Variants in RTP5 observed in about 807,000 individuals in gnomAD.
The protein encoded by RTP5 is receptor transporter protein 5 (putative).
A neutral mutation model predicts 23.5 loss-of-function variants in RTP5; 30 were observed. The observed-to-expected ratio is 1.27, with a 90% CI of 0.95 to 1.73. RTP5 has a LOEUF of 1.73. Ranked by LOEUF, RTP5 falls within the 40% of genes most tolerant of loss-of-function variation. RTP5 has a pLI of 0.00. For synonymous variants in RTP5, 354 were observed against 342.1 expected (o/e 1.03, Z -0.38); for missense variants, 807 against 784.2 (o/e 1.03, Z -0.35).
rs1013390197 is a variant in RTP5, at chr2:241,871,793, A to C, written c.238A>C (p.Ser80Arg). 1.9e-6 allele frequency: 3 copies of C among 1,583,064 alleles called. No individual in the cohort carries two copies. In the African/African-American group the frequency reaches 4.0e-5, roughly 21 times the overall value. ...VLFHLWWDRA[S>R]HRGLVKMRIW... is the part of the protein sequence containing the mutation. ...CTTCCACCTGTGGTGGGACAGGGCC[A>C]GCCACCGGGGGCTGGTGAAGATGCG... Residue 80 changes from serine (S) to arginine (R), a missense_variant, in exon 2 of 2, where the codon AGC (serine) becomes CGC (arginine). Physicochemically the swap from Ser to Arg is moderately radical, Grantham distance 110. Transcript: ENST00000343216.
In RTP5 at chr2:241,872,387, A is replaced by C. The variant is rs1356061398; in HGVS notation, c.832A>C (p.Ser278Arg). ...CTTCCACGGCCCCGGCCTCCTCGGC[A>C]GCAGCATCCAGACCTTCGAGCTCAA... is the stretch of plus-strand genomic sequence containing the variant. ...PLFHGPGLLG[S>R]SIQTFELKGF... The change falls in exon 2 of 2, where the codon AGC becomes CGC. Residue 278 changes from serine (S) to arginine (R), a missense_variant. Coordinates refer to ENST00000343216, the MANE Select transcript of RTP5 (RefSeq NM_173821.3). The C allele has an allele frequency of 1.2e-6, 2 of 1,612,500 alleles. No homozygotes were observed. The highest frequency in any genetic ancestry group is 2.2e-5 in the South Asian group (2 of 91,016).
At position 241,869,864 on chromosome 2, in the gene RTP5, G is replaced by A. The variant is rs777977897; in HGVS notation, c.108G>A (p.Pro36=). The change falls in exon 1 of 2, where the codon CCG becomes CCA. Residue 36 remains proline, a synonymous_variant. Transcript: ENST00000343216. ...TGCTACCTGAGCACAGCCTGGTCCC[G>A]GGATGCCTGGACGGCGGTGGTGTCC... ...WVLLPEHSLV[P]GCLDGGGVQY... 38 of 1,587,610 alleles carry A rather than the reference G, an allele frequency of 2.4e-5. No individual in the cohort carries two copies. Among genetic ancestry groups the A allele is most frequent in the South Asian group, 1.3e-4 (11 of 87,606 alleles).
intron 1 of RTP5, chr2:241,871,229 C>T: frequency 2.7e-6 from 1 of 368,428 alleles, no homozygotes; most frequent in Non-Finnish European, 5.4e-6. Flanking sequence ...TGCTGAGCCC[C>T]CAGGGACAGC....
intron 1 of RTP5, among the ~76,000 whole-genome samples, 179 bp from the exon 2 acceptor site, chr2:241,871,535 G>A (rs1346396706): frequency 2.0e-5 from 3 of 152,200 alleles, no homozygotes; most frequent in Admixed American, 2.0e-4. Flanking sequence ...GTGCTAGGCT[G>A]CCTTGGCCGC....
chr2:241,869,994 G>T, intron 1 of RTP5, 80 bp downstream of exon 1: 1 of 1,311,264 alleles, frequency 7.6e-7, no homozygotes. Context: ...GGTCCCAGAG[G>T]CTGGGTGGGG....
chr2:241,873,190 G>A lies in RTP5; in HGVS notation c.1635G>A (p.Trp545Ter), dbSNP rs1380081196. Residue 545 changes from tryptophan (W) to a stop codon, truncating the protein, a stop_gained, in exon 2 of 2, where the codon TGG becomes TGA. Transcript: ENST00000343216. LOFTEE classifies it high-confidence loss of function. ...ACGCCGAGCCCTACGAGGACTTCTG[G>A]ATCTGGGTGTCCATGACCGTGTGCG... ...RPHAEPYEDF[W>*]IWVSMTVCVF... is the part of the protein sequence containing the mutation. 5 of 1,610,178 alleles carry A rather than the reference G, an allele frequency of 3.1e-6. No homozygotes were observed. In the Admixed American group the frequency reaches 8.3e-5, roughly 27 times the overall value.
rs1431582073 is a variant in RTP5 at position 241,873,060 on chromosome 2, A to G, written c.1505A>G (p.Gln502Arg). 3.1e-6 allele frequency: 5 copies of G among 1,612,780 alleles called. No homozygotes were observed. In the African/African-American group the frequency reaches 6.7e-5, roughly 22 times the overall value. Reference protein sequence around the residue: ...YGPQGNGCFSQGYYQKRQLRS... With the variant: ...YGPQGNGCFSRGYYQKRQLRS... ...CCCCAGGGCAATGGCTGCTTCTCCC[A>G]AGGCTATTACCAGAAGAGGCAGCTG... The change falls in exon 2 of 2, where the codon CAA becomes CGA. Residue 502 changes from glutamine to arginine, a missense_variant. Gln to Arg is a conservative substitution (Grantham distance 43). Coordinates refer to ENST00000343216, the MANE Select transcript of RTP5 (RefSeq NM_173821.3).
In RTP5 at chr2:241,871,880, G is replaced by A; in HGVS notation, c.325G>A (p.Gly109Ser). 2 of 1,552,146 alleles carry A rather than the reference G, an allele frequency of 1.3e-6. No individual in the cohort carries two copies. Among genetic ancestry groups the A allele is most frequent in the East Asian group, 2.4e-5 (1 of 42,132 alleles). Residue 109 changes from glycine (G) to serine (S), a missense_variant, in exon 2 of 2, where the codon GGC becomes AGC. By Grantham distance (56) the Gly-to-Ser change is moderately conservative. Coordinates refer to ENST00000343216, the MANE Select transcript of RTP5 (RefSeq NM_173821.3). ...CGGGGACTGCCAGGTGAGGCCCCCG[G>A]GCGAGCAGCCCTTCCTCAGCAGGCT... ...APGDCQVRPP[G>S]EQPFLSRLVL... is the part of the protein sequence containing the mutation.
intron 1 of RTP5, among the ~76,000 whole-genome samples, chr2:241,871,347 C>G (rs539254579): frequency 6.6e-6 from 1 of 152,252 alleles, no homozygotes; most frequent in Admixed American, 6.5e-5. Flanking sequence ...GGCAGGCTGC[C>G]GACGCCTCAC....
At position 241,872,383 on chromosome 2, in the gene RTP5, C is replaced by T. The variant is rs146481716; in HGVS notation, c.828C>T (p.Leu276=). ...GDPLFHGPGL[L]GSSIQTFELK... Reference sequence around the variant, plus strand: ...CCCTCTTCCACGGCCCCGGCCTCCTCGGCAGCAGCATCCAGACCTTCGAGC... The same window carrying T: ...CCCTCTTCCACGGCCCCGGCCTCCTTGGCAGCAGCATCCAGACCTTCGAGC... Residue 276 remains leucine (L), a synonymous_variant, in exon 2 of 2, where the codon CTC becomes CTT. Transcript: ENST00000343216. 7.0e-5 allele frequency: 113 copies of T among 1,612,376 alleles called. No homozygotes were observed. The highest frequency in any genetic ancestry group is 1.8e-4 in the Admixed American group (11 of 59,892).
Position 241,872,569 on chromosome 2 carries a change from C to T in RTP5, c.1014C>T (p.Ser338=). ...CVGLSASGEG[S]LTFPSSLTSI... is the part of the protein sequence containing the mutation. The stretch of plus-strand genomic sequence containing the variant: ...GCCTCTCGGCCAGCGGGGAGGGCTC[C>T]CTCACCTTCCCCTCCTCCCTCACCA... The change falls in exon 2 of 2, where the codon TCC becomes TCT. Residue 338 remains serine, a synonymous_variant. Coordinates refer to ENST00000343216, the MANE Select transcript of RTP5 (RefSeq NM_173821.3). 1 of 1,537,914 alleles carries T rather than the reference C, an allele frequency of 6.5e-7. No homozygotes were observed.
In RTP5 at chr2:241,872,348, A is replaced by G; in HGVS notation, c.793A>G (p.Ile265Val). The G allele has an allele frequency of 6.2e-7, 1 of 1,610,664 alleles. No individual in the cohort carries two copies. Among genetic ancestry groups the G allele is most frequent in the Non-Finnish European group, 8.5e-7 (1 of 1,179,096 alleles). Reference protein sequence around the residue: ...MPGGKGFPVAIGDPLFHGPGL... With the variant: ...MPGGKGFPVAVGDPLFHGPGL... ...TGGGGGCAAAGGCTTCCCGGTGGCC[A>G]TTGGAGACCCCCTCTTCCACGGCCC... Residue 265 changes from isoleucine to valine, a missense_variant, in exon 2 of 2, where the codon ATT (isoleucine) becomes GTT (valine). By Grantham distance (29) the Ile-to-Val change is conservative. Transcript: ENST00000343216.
At chr2:241,871,246 A>C in intron 1 of RTP5, 1 of 356,348 alleles carries the variant, frequency 2.8e-6, no homozygotes. Context: ...CAGCCCCCAC[A>C]TGCATGCTTT....
intron 1 of RTP5, 21 bp from the exon 2 acceptor site, chr2:241,871,693 A>T (rs374578004): frequency 5.1e-6 from 8 of 1,575,188 alleles, no homozygotes; most frequent in Non-Finnish European, 6.9e-6. Context: ...GCACTCACAC[A>T]CACTTCTTTC....
chr2:241,871,145 C>T (rs939038836), intron 1 of RTP5: 20 of 447,874 alleles, frequency 4.5e-5, no homozygotes, highest in South Asian at 9.6e-5. Flanking sequence ...CGCAGGCCTC[C>T]GTGACATCCT....
chr2:241,873,308 A>AC lies in RTP5; in HGVS notation c.*38dup. The AC allele has an allele frequency of 1.3e-5, 20 of 1,535,272 alleles. No individual in the cohort carries two copies. Among genetic ancestry groups the AC allele is most frequent in the Non-Finnish European group, 1.7e-5 (20 of 1,144,134 alleles). ...AGTTCAGGCAACCCTCGCCTCTGGGACCCCGCCTCGCCTCTGAGACACCCC... is the reference window on the plus strand; with the variant it reads ...AGTTCAGGCAACCCTCGCCTCTGGGACCCCCGCCTCGCCTCTGAGACACCCC... On this transcript the variant is annotated 3_prime_UTR_variant, in exon 2 of 2. Transcript: ENST00000343216.
At position 241,871,864 on chromosome 2, in the gene RTP5, C is replaced by A. The variant is rs759733095; in HGVS notation, c.309C>A (p.Cys103Ter). 8 of 1,546,246 alleles carry A rather than the reference C, an allele frequency of 5.2e-6. No homozygotes were observed. In the Admixed American group the frequency reaches 1.2e-4, roughly 23 times the overall value. Reference protein sequence around the residue: ...RCRLCPAPGDCQVRPPGEQPF... With the variant: ...RCRLCPAPGD ...GGCTGTGCCCCGCACCCGGGGACTG[C>A]CAGGTGAGGCCCCCGGGCGAGCAGC... Residue 103 changes from cysteine to a stop codon, truncating the protein, a stop_gained, in exon 2 of 2, where the codon TGC becomes TGA. Coordinates refer to ENST00000343216, the MANE Select transcript of RTP5 (RefSeq NM_173821.3). LOFTEE classifies it low-confidence loss of function (END_TRUNC).
rs532385840 is a variant in RTP5, at chr2:241,871,110, C to G, written c.159-604C>G. ...CAAACCTCTCCTCGCCTGGTGACGC[C>G]CAGCAGGGCTGCCCGGGCCATGACC... On this transcript the variant is annotated intron_variant, in intron 1 of 1. Transcript: ENST00000343216. 1.7e-5 allele frequency: 8 copies of G among 468,364 alleles called. No homozygotes were observed. In the Admixed American group the frequency reaches 1.9e-4, roughly 11 times the overall value. 29.0% of individuals were successfully genotyped at this position (468,364 alleles called of 1,614,324 possible). A position where few individuals can be genotyped will look rare whatever the true frequency, so the allele number is the denominator to read the frequency against.
In RTP5 at chr2:241,873,726, T is replaced by C; in HGVS notation, c.*452T>C. On this transcript the variant is annotated 3_prime_UTR_variant, in exon 2 of 2. Coordinates refer to ENST00000343216, the MANE Select transcript of RTP5 (RefSeq NM_173821.3). Reference sequence around the variant, plus strand: ...CCCCCGCCAGCAGCTCAGCCCCTCCTGTCTCTTGCCCCTGGTTTTGTGGGT... The same window carrying C: ...CCCCCGCCAGCAGCTCAGCCCCTCCCGTCTCTTGCCCCTGGTTTTGTGGGT... 1 of 189,582 alleles carries C rather than the reference T, an allele frequency of 5.3e-6. No individual in the cohort carries two copies. Among genetic ancestry groups the C allele is most frequent in the Non-Finnish European group, 1.0e-5 (1 of 96,474 alleles). The allele number at this position is 189,582 out of a possible 1,614,324, so 11.7% of individuals were successfully genotyped here. A position where few individuals can be genotyped will look rare whatever the true frequency, so the allele number is the denominator to read the frequency against.
Sources: allele counts gnomAD v4.1 joint callset (sites outside exome capture counted in the v4.1 genomes callset), GRCh38; gene constraint gnomAD v4.1.1; transcripts MANE v1.5; gene names NCBI Gene and HGNC (gene_info 2026-07-23, HGNC 2026-07-21).